Variants in SATL1 observed in about 807,000 individuals in gnomAD.
SATL1 encodes spermidine/spermine N1-acetyl transferase like 1.
A neutral mutation model predicts 51.8 loss-of-function variants in SATL1; 47 were observed. That is an observed-to-expected ratio of 0.91 (90% confidence interval 0.72 to 1.16). The LOEUF (loss-of-function observed/expected upper bound fraction) is 1.16. Ranked by LOEUF, SATL1 falls within the 50% of genes most tolerant of loss-of-function variation. SATL1 has a pLI of 0.00. For synonymous variants in SATL1, 176 were observed against 182.4 expected (o/e 0.97, Z 0.28); for missense variants, 520 against 526.4 (o/e 0.99, Z 0.12).
chrX:85,129,464 T>C (rs1460138255), intron 2 of SATL1, among the ~76,000 whole-genome samples: 1 of 111,831 alleles, frequency 8.9e-6, no homozygotes, highest in Non-Finnish European at 1.9e-5. Context: ...TATTGGTGTA[T>C]AAGAATGCTT....
intron 2 of SATL1, chrX:85,210,865 C>G (rs1013620747): frequency 9.0e-6 from 1 of 111,469 alleles, no homozygotes. Context: ...AATAGGAGAG[C>G]TGAAAGACAA....
chrX:85,120,772 TTCTA>T (rs1456018398), intron 2 of SATL1, among the ~76,000 whole-genome samples: 6 of 111,797 alleles, frequency 5.4e-5, no homozygotes, highest in African/African-American at 1.9e-4. Context: ...CTATGAGCCT[TTCTA>T]TTACAAAAAA....
In SATL1 at chrX:85,094,179, T is replaced by C; in HGVS notation, c.1825A>G (p.Thr609Ala). ...AMYYFTYDSWTGKVLYLEDFY... is the reference protein window; with the variant it reads ...AMYYFTYDSWAGKVLYLEDFY... ...TCCTCTAGGTAAAGTACCTTGCCAG[T>C]CCATGAGTCGTATGTAAAGTAGTAC... The change falls in exon 6 of 8, where the codon ACT becomes GCT. Residue 609 changes from threonine to alanine, a missense_variant. Around this residue, in one of 3 missense-constraint regions of SATL1, gnomAD observed 488 missense variants for 474.3 expected, o/e 1.03. Coordinates refer to ENST00000644105, the MANE Select transcript of SATL1 (RefSeq NM_001367857.2). 6 of 1,200,839 alleles carry C rather than the reference T, an allele frequency of 5.0e-6. No homozygotes were observed. In the South Asian group the frequency reaches 5.3e-5, roughly 11 times the overall value.
At chrX:85,096,416 ACAT>A (rs1186434046) in intron 4 of SATL1, among the ~76,000 whole-genome samples, 1 of 111,341 alleles carries the variant, frequency 9.0e-6, no homozygotes, top group Non-Finnish European at 1.9e-5. Context: ...TGTCTGTGGA[ACAT>A]CATCATCATC....
chrX:85,191,257 GAC>G (rs1268534362), intron 2 of SATL1, among the ~76,000 whole-genome samples: 1 of 110,969 alleles, frequency 9.0e-6, no homozygotes, highest in African/African-American at 3.3e-5. Flanking sequence ...ATTTTAAATT[GAC>G]ACATAATAAT....
intron 2 of SATL1, among the ~76,000 whole-genome samples, chrX:85,189,814 A>G (rs1268428004): frequency 1.8e-5 from 2 of 112,180 alleles, no homozygotes; most frequent in Non-Finnish European, 3.8e-5. Context: ...AGGAGCATTC[A>G]ATAAGTAAAT....
intron 2 of SATL1, among the ~76,000 whole-genome samples, chrX:85,147,451 C>T (rs898817322): frequency 1.7e-5 from 2 of 114,289 alleles, no homozygotes; most frequent in Admixed American, 9.1e-5. Context: ...CCCTGTCTGA[C>T]AGCTTTGAAG....
intron 2 of SATL1, among the ~76,000 whole-genome samples, chrX:85,204,995 G>C (rs1256752136): frequency 8.9e-6 from 1 of 111,879 alleles, no homozygotes; most frequent in Non-Finnish European, 1.9e-5. Flanking sequence ...ATAACAAAAG[G>C]CAGTTAGCCA....
intron 2 of SATL1, among the ~76,000 whole-genome samples, chrX:85,220,425 C>G (rs1304504820): frequency 9.2e-6 from 1 of 108,339 alleles, no homozygotes; most frequent in African/African-American, 3.3e-5. Context: ...GTGGGAGCAG[C>G]TAAGGGAGTG....
chrX:85,144,329 T>A (rs1325529816), intron 2 of SATL1, among the ~76,000 whole-genome samples: 1 of 111,809 alleles, frequency 8.9e-6, no homozygotes, highest in East Asian at 2.8e-4. Context: ...TGTGTCATAT[T>A]TTACATTAGG....
At chrX:85,221,970 G>A (rs1928186822) in intron 2 of SATL1, among the ~76,000 whole-genome samples, 1 of 112,022 alleles carries the variant, frequency 8.9e-6, no homozygotes, top group South Asian at 3.8e-4. Flanking sequence ...TAAGAACAGG[G>A]TCTGGGTGGT....
chrX:85,131,503 A>C (rs1007842946), intron 2 of SATL1, among the ~76,000 whole-genome samples: 1 of 109,326 alleles, frequency 9.1e-6, no homozygotes, highest in African/African-American at 3.3e-5. Flanking sequence ...TTTGCTTGGT[A>C]GATCTTCCTC....
chrX:85,094,878 T>G (rs1175152355), intron 5 of SATL1, 38 bp downstream of exon 5: 1 of 850,401 alleles, frequency 1.2e-6, no homozygotes, highest in East Asian at 3.2e-5. Context: ...GGAAAAAATA[T>G]ACTCCAGATT....
At chrX:85,140,292 G>C (rs998775139) in intron 2 of SATL1, among the ~76,000 whole-genome samples, 1 of 111,565 alleles carries the variant, frequency 9.0e-6, no homozygotes, top group Non-Finnish European at 1.9e-5. Context: ...AATAATAATA[G>C]TAACCACACT....
intron 4 of SATL1, among the ~76,000 whole-genome samples, chrX:85,097,514 G>T (rs2147682237): frequency 9.0e-6 from 1 of 110,699 alleles, no homozygotes. Flanking sequence ...ATTTTTTAAG[G>T]TATTTTTAGT....
intron 2 of SATL1, chrX:85,142,681 A>C (rs1471128528): frequency 8.9e-6 from 1 of 111,732 alleles, no homozygotes; most frequent in Non-Finnish European, 1.9e-5. Context: ...CTACAAGGTT[A>C]ATGATAGCTT....
intron 2 of SATL1, among the ~76,000 whole-genome samples, chrX:85,109,965 G>C (rs1925223502): frequency 8.9e-6 from 1 of 111,732 alleles, no homozygotes; most frequent in South Asian, 3.8e-4. Context: ...AGCTGAGATC[G>C]CACTATTGCA....
chrX:85,203,585 T>A (rs762270679), intron 2 of SATL1, among the ~76,000 whole-genome samples: 1 of 111,329 alleles, frequency 9.0e-6, no homozygotes, highest in East Asian at 2.9e-4. Flanking sequence ...AGACCCCAGT[T>A]GGGAGATTCT....
intron 1 of SATL1, among the ~76,000 whole-genome samples, chrX:85,235,673 A>G (rs904077855): frequency 7.2e-5 from 8 of 111,055 alleles, no homozygotes; most frequent in African/African-American, 2.6e-4. Context: ...AAAATCTGTG[A>G]GATATAGCCA....
Sources: allele counts gnomAD v4.1 joint callset (sites outside exome capture counted in the v4.1 genomes callset), GRCh38; gene constraint gnomAD v4.1.1; regional missense constraint gnomAD v4.1.1; transcripts MANE v1.5; gene names NCBI Gene and HGNC (gene_info 2026-07-23, HGNC 2026-07-21).